Variants in GRIA1 observed in about 807,000 individuals in gnomAD.
The protein encoded by GRIA1 is glutamate receptor 1.
In GRIA1, 31 loss-of-function variants were observed where a neutral mutation model predicts 99.2. The observed-to-expected ratio is 0.31, with a 90% CI of 0.23 to 0.42. The LOEUF is 0.42. GRIA1 is among the 10% of genes least tolerant of loss of function. The pLI, the probability that GRIA1 is intolerant of heterozygous loss-of-function variation, is 1.00. For missense variants in GRIA1, 782 were observed against 1,157.5 expected (o/e 0.68, Z 4.71); for synonymous variants, 438 against 432.4 (o/e 1.01, Z -0.16).
chr5:153,737,988 G>A (rs558542377), intron 11 of GRIA1, among the ~76,000 whole-genome samples: 1 of 152,186 alleles, frequency 6.6e-6, no homozygotes, highest in Admixed American at 6.5e-5. Flanking sequence ...CTAAAGGAAG[G>A]GTATACATAG....
chr5:153,776,995 T>A (rs1321027581), intron 13 of GRIA1, among the ~76,000 whole-genome samples: 1 of 152,176 alleles, frequency 6.6e-6, no homozygotes, highest in Non-Finnish European at 1.5e-5. Context: ...CAGAAAATAA[T>A]TGGGAAACAA....
intron 2 of GRIA1, among the ~76,000 whole-genome samples, chr5:153,632,929 G>A (rs778285250): frequency 1.2e-4 from 19 of 152,224 alleles, no homozygotes; most frequent in Admixed American, 6.5e-5. Context: ...CTTTCCACTG[G>A]AGTCAACATC....
intron 2 of GRIA1, among the ~76,000 whole-genome samples, chr5:153,561,182 C>A (rs1321336969): frequency 6.6e-6 from 1 of 152,070 alleles, no homozygotes; most frequent in Non-Finnish European, 1.5e-5. Flanking sequence ...CTTTTCTAGT[C>A]GGGGGTCATG....
chr5:153,718,391 G>T, intron 11 of GRIA1, among the ~76,000 whole-genome samples: 1 of 152,152 alleles, frequency 6.6e-6, no homozygotes, highest in East Asian at 1.9e-4. Flanking sequence ...AGGAATTACA[G>T]GTAAGACAAA....
intron 2 of GRIA1, among the ~76,000 whole-genome samples, chr5:153,549,386 A>G (rs1445608757): frequency 6.6e-6 from 1 of 152,158 alleles, no homozygotes; most frequent in Non-Finnish European, 1.5e-5. Context: ...TCCGAGGTTA[A>G]CAGTCACCAC....
chr5:153,770,138 T>G, intron 12 of GRIA1, 30 bp from the exon 13 acceptor site: 2 of 1,610,378 alleles, frequency 1.2e-6, no homozygotes, highest in Non-Finnish European at 1.7e-6. Flanking sequence ...CAAGCGCACT[T>G]AATTCCAGCT....
intron 2 of GRIA1, chr5:153,557,850 A>G (rs963726161): frequency 6.6e-6 from 1 of 152,186 alleles, no homozygotes; most frequent in African/African-American, 2.4e-5. Flanking sequence ...AGCTGTCATC[A>G]CCTATAACAC....
chr5:153,520,045 A>G (rs1395384854), intron 2 of GRIA1, among the ~76,000 whole-genome samples: 1 of 152,146 alleles, frequency 6.6e-6, no homozygotes, highest in Non-Finnish European at 1.5e-5. Flanking sequence ...TCGTAGTAAC[A>G]ATAGCTAATG....
chr5:153,665,926 AAAGTTCTTATTTTGCAGATC>A (rs1755711551), intron 5 of GRIA1, among the ~76,000 whole-genome samples: 1 of 152,196 alleles, frequency 6.6e-6, no homozygotes, highest in Admixed American at 6.5e-5. Flanking sequence ...TGATGTAGCC[AAAGTTCTTATTTTGCAGATC>A]AATCAACTAA....
At chr5:153,492,039 C>A (rs1753962368) in intron 1 of GRIA1, 1 of 940,108 alleles carries the variant, frequency 1.1e-6, no homozygotes, top group East Asian at 2.8e-5. Flanking sequence ...AAGCAAGCTG[C>A]TGTGTTTGGA....
chr5:153,713,364 T>C (rs1052118049), intron 11 of GRIA1, among the ~76,000 whole-genome samples: 5 of 152,252 alleles, frequency 3.3e-5, no homozygotes, highest in Admixed American at 2.6e-4. Context: ...GTGAGGTGAT[T>C]CTGCAGTCAT....
At chr5:153,781,945 T>G (rs1254348675) in intron 13 of GRIA1, among the ~76,000 whole-genome samples, 1 of 152,152 alleles carries the variant, frequency 6.6e-6, no homozygotes, top group Non-Finnish European at 1.5e-5. Context: ...CAGGGCCAGG[T>G]AAAGAAGACG....
chr5:153,584,344 A>G (rs1484021424), intron 2 of GRIA1, among the ~76,000 whole-genome samples: 1 of 152,160 alleles, frequency 6.6e-6, no homozygotes, highest in Non-Finnish European at 1.5e-5. Context: ...AAAATAAATT[A>G]ACATCTGGAA....
chr5:153,779,707 C>A (rs1366580434), intron 13 of GRIA1, among the ~76,000 whole-genome samples: 1 of 152,102 alleles, frequency 6.6e-6, no homozygotes, highest in Non-Finnish European at 1.5e-5. Context: ...GGATTACAGC[C>A]GTGCACTACC....
intron 13 of GRIA1, among the ~76,000 whole-genome samples, chr5:153,774,511 T>C (rs1269463477): frequency 6.6e-6 from 1 of 152,222 alleles, no homozygotes; most frequent in East Asian, 1.9e-4. Context: ...TAAACTTCTC[T>C]TCAGCCCTAT....
At chr5:153,724,752 A>C (rs1760374807) in intron 11 of GRIA1, among the ~76,000 whole-genome samples, 1 of 152,262 alleles carries the variant, frequency 6.6e-6, no homozygotes, top group South Asian at 2.1e-4. Flanking sequence ...CTATGTGAAA[A>C]GACCAAATCT....
At chr5:153,638,409 A>C (rs1296145917) in intron 2 of GRIA1, among the ~76,000 whole-genome samples, 1 of 152,242 alleles carries the variant, frequency 6.6e-6, no homozygotes, top group Non-Finnish European at 1.5e-5. Context: ...GCAATCAGAC[A>C]TTTAGTAGAC....
At chr5:153,620,563 G>C (rs1441160063) in intron 2 of GRIA1, among the ~76,000 whole-genome samples, 1 of 152,196 alleles carries the variant, frequency 6.6e-6, no homozygotes, top group African/African-American at 2.4e-5. Context: ...TGAGGAAATA[G>C]ACCTGGATCC....
chr5:153,709,814 G>A lies in GRIA1; in HGVS notation c.1823+3747G>A, dbSNP rs116530217. 8.7e-3 allele frequency among the ~76,000 whole-genome samples: 1,329 copies of A among 152,324 alleles called. 10 individuals are homozygous for A. Among genetic ancestry groups the A allele is most frequent in the African/African-American group, 0.03 (1,253 of 41,574 alleles). ...TGCTTCTTTCTCATTGGTCAGGACA[G>A]TGGCCATGATTATTTCTAGTGGCAA... is the stretch of plus-strand genomic sequence containing the variant. On this transcript the variant is annotated intron_variant, in intron 11 of 15. Coordinates refer to ENST00000285900, the MANE Select transcript of GRIA1 (RefSeq NM_000827.4).
Sources: gnomAD v4.1 joint callset for allele counts (sites outside exome capture counted in the v4.1 genomes callset) on GRCh38, gnomAD v4.1.1 for gene constraint, MANE v1.5 for transcripts, NCBI Gene and HGNC (gene_info 2026-07-23, HGNC 2026-07-21) for gene names.